Variants in MNAT1 observed in about 807,000 individuals in gnomAD.
MNAT1 encodes the protein CDK-activating kinase assembly factor MAT1.
A neutral mutation model predicts 42.0 loss-of-function variants in MNAT1; 43 were observed. That is an observed-to-expected ratio of 1.02 (90% confidence interval 0.80 to 1.32). The LOEUF (loss-of-function observed/expected upper bound fraction) is 1.32, where lower values mean the gene tolerates loss of function less well. MNAT1 is among the 40% of genes most tolerant of loss of function. The pLI, the probability that MNAT1 is intolerant of heterozygous loss-of-function variation, is 0.00. For missense variants in MNAT1, 306 were observed against 350.4 expected (o/e 0.87, Z 1.01); for synonymous variants, 118 against 120.0 (o/e 0.98, Z 0.11).
intron 7 of MNAT1, among the ~76,000 whole-genome samples, chr14:60,913,565 G>A (rs1231615449): frequency 6.6e-6 from 1 of 152,176 alleles, no homozygotes; most frequent in Non-Finnish European, 1.5e-5. Context: ...CTCAGCTGCA[G>A]GTCTGTTGGA....
chr14:60,790,695 TTGAC>T (rs1458726691), intron 1 of MNAT1, among the ~76,000 whole-genome samples: 1 of 152,194 alleles, frequency 6.6e-6, no homozygotes, highest in Non-Finnish European at 1.5e-5. Context: ...ACTTCCTAAA[TTGAC>T]TGAGTCCTGT....
At chr14:60,822,602 A>T (rs1286160369) in intron 6 of MNAT1, among the ~76,000 whole-genome samples, 31 of 135,998 alleles carry the variant, frequency 2.3e-4, no homozygotes, top group African/African-American at 7.7e-4. Context: ...GTTTTTAAGA[A>T]TTTTTTTTTT....
At chr14:60,854,785 C>T (rs187733982) in intron 6 of MNAT1, among the ~76,000 whole-genome samples, 4 of 152,290 alleles carry the variant, frequency 2.6e-5, no homozygotes, top group African/African-American at 7.2e-5. Context: ...GGGTCAGGGA[C>T]CCACTTGAGC....
chr14:60,902,052 G>A (rs1053372399), intron 7 of MNAT1, among the ~76,000 whole-genome samples: 3 of 152,112 alleles, frequency 2.0e-5, no homozygotes, highest in African/African-American at 7.2e-5. Flanking sequence ...GTCAATCAAC[G>A]CAGCAAACTT....
At chr14:60,826,630 T>G (rs2033066057) in intron 6 of MNAT1, among the ~76,000 whole-genome samples, 1 of 152,126 alleles carries the variant, frequency 6.6e-6, no homozygotes, top group Non-Finnish European at 1.5e-5. Context: ...GAAACTTCAT[T>G]TTATAGATTA....
In MNAT1 at chr14:60,969,220, A is replaced by G. The variant is rs764615705; in HGVS notation, c.*871A>G. 6.6e-6 allele frequency: 1 copy of G among 152,282 alleles called. No individual in the cohort carries two copies. Among genetic ancestry groups the G allele is most frequent in the African/African-American group, 2.4e-5 (1 of 41,458 alleles). The allele number at this position is 152,282 out of a possible 1,614,324, so 9.4% of individuals were successfully genotyped here. Reference sequence around the variant, plus strand: ...GGCTTTTATTACCAGGGTTTTGCTTAAAGAGTTTAGATATGAATAGGATGA... The same window carrying G: ...GGCTTTTATTACCAGGGTTTTGCTTGAAGAGTTTAGATATGAATAGGATGA... On this transcript the variant is annotated 3_prime_UTR_variant, in exon 8 of 8. Coordinates refer to ENST00000261245, the MANE Select transcript of MNAT1 (RefSeq NM_002431.4).
chr14:60,945,548 C>T (rs1487331704), intron 7 of MNAT1, among the ~76,000 whole-genome samples: 2 of 152,124 alleles, frequency 1.3e-5, no homozygotes, highest in Non-Finnish European at 2.9e-5. Context: ...CCACTGGGGG[C>T]ACTTTCTAAA....
intron 7 of MNAT1, among the ~76,000 whole-genome samples, chr14:60,933,912 A>G (rs1263213282): frequency 6.6e-6 from 1 of 152,220 alleles, no homozygotes; most frequent in Non-Finnish European, 1.5e-5. Flanking sequence ...ACCTAAAAAA[A>G]GACACTAGAG....
At chr14:60,937,205 T>G (rs2036016875) in intron 7 of MNAT1, among the ~76,000 whole-genome samples, 1 of 152,224 alleles carries the variant, frequency 6.6e-6, no homozygotes, top group Admixed American at 6.5e-5. Flanking sequence ...TAGTTTCTTT[T>G]GCTGTGCAGA....
At chr14:60,900,035 T>C (rs1372934571) in intron 7 of MNAT1, among the ~76,000 whole-genome samples, 1 of 145,594 alleles carries the variant, frequency 6.9e-6, no homozygotes. Flanking sequence ...TTCTTCTGAC[T>C]GGCTGTTTCC....
intron 6 of MNAT1, among the ~76,000 whole-genome samples, chr14:60,863,608 T>C (rs1269118927): frequency 1.3e-5 from 2 of 152,242 alleles, no homozygotes; most frequent in South Asian, 2.1e-4. Context: ...AATTAACTAA[T>C]TAGTGAAAGG....
At chr14:60,889,070 A>T (rs1251223255) in intron 7 of MNAT1, among the ~76,000 whole-genome samples, 1 of 150,632 alleles carries the variant, frequency 6.6e-6, no homozygotes, top group African/African-American at 2.4e-5. Flanking sequence ...GCTACCAATG[A>T]CTTTCTTCAC....
intron 7 of MNAT1, among the ~76,000 whole-genome samples, chr14:60,935,134 C>A (rs2139576150): frequency 6.6e-6 from 1 of 152,216 alleles, no homozygotes; most frequent in Non-Finnish European, 1.5e-5. Flanking sequence ...TTTTCCTTTT[C>A]CCTAAGTTTT....
At chr14:60,840,777 C>A (rs546124453) in intron 6 of MNAT1, among the ~76,000 whole-genome samples, 1 of 152,212 alleles carries the variant, frequency 6.6e-6, no homozygotes, top group Admixed American at 6.5e-5. Flanking sequence ...GATTCTCCTG[C>A]CTCAGCCTCA....
intron 1 of MNAT1, chr14:60,753,743 C>T (rs1307309222): frequency 2.6e-5 from 4 of 152,182 alleles, no homozygotes; most frequent in Admixed American, 2.0e-4. Context: ...TAAAACCACA[C>T]CAACCACATA....
At chr14:60,770,547 A>G (rs2140306647) in intron 1 of MNAT1, among the ~76,000 whole-genome samples, 1 of 152,276 alleles carries the variant, frequency 6.6e-6, no homozygotes, top group Non-Finnish European at 1.5e-5. Context: ...CAAAATGCAC[A>G]AGAGTTCTTA....
chr14:60,955,592 C>T (rs765671031), intron 7 of MNAT1, among the ~76,000 whole-genome samples: 5 of 152,088 alleles, frequency 3.3e-5, no homozygotes, highest in South Asian at 2.1e-4. Context: ...ACCCAGGAGG[C>T]GGAGGTTGCA....
chr14:60,913,712 C>T (rs2035442962), intron 7 of MNAT1, among the ~76,000 whole-genome samples: 1 of 152,150 alleles, frequency 6.6e-6, no homozygotes, highest in Non-Finnish European at 1.5e-5. Context: ...GAGTACCCAG[C>T]CGTGTGAGGT....
chr14:60,784,179 ATTTTT>A (rs71114155), intron 1 of MNAT1, among the ~76,000 whole-genome samples: 18 of 53,298 alleles, frequency 3.4e-4, no homozygotes, highest in Admixed American at 1.6e-3. Flanking sequence ...TGCCTGGCTA[ATTTTT>A]TTTTTTTTTT....
Sources: gnomAD v4.1 joint callset for allele counts (sites outside exome capture counted in the v4.1 genomes callset) on GRCh38, gnomAD v4.1.1 for gene constraint, MANE v1.5 for transcripts, NCBI Gene and HGNC (gene_info 2026-07-23, HGNC 2026-07-21) for gene names.